DDR2: variants seen among roughly 807,000 people sequenced by gnomAD.
The protein encoded by DDR2 is discoidin domain receptor tyrosine kinase 2, also known as discoidin domain-containing receptor 2.
A neutral mutation model predicts 94.9 loss-of-function variants in DDR2; 27 were observed. That is an observed-to-expected ratio of 0.28 (90% CI 0.21 to 0.39). The LOEUF (loss-of-function observed/expected upper bound fraction) is 0.39. Among genes scored for constraint, DDR2 ranks in the 10% least tolerant of loss-of-function variants. DDR2 has a pLI of 1.00. For synonymous variants in DDR2, 382 were observed against 377.2 expected (o/e 1.01, Z -0.15); for missense variants, 783 against 1,076.0 (o/e 0.73, Z 3.81).
At chr1:162,698,070 G>T (rs1660267692) in intron 2 of DDR2, among the ~76,000 whole-genome samples, 3 of 152,150 alleles carry the variant, frequency 2.0e-5, no homozygotes. Flanking sequence ...CTAATCTGTT[G>T]GTCACTAATG....
At chr1:162,686,171 G>A (rs1187879790) in intron 2 of DDR2, among the ~76,000 whole-genome samples, 2 of 151,802 alleles carry the variant, frequency 1.3e-5, no homozygotes, top group African/African-American at 4.8e-5. Context: ...GATTACAGGT[G>A]CCCGGCACCA....
chr1:162,754,439 A>G (rs746200673), intron 4 of DDR2, among the ~76,000 whole-genome samples, 185 bp from the exon 5 acceptor site: 9 of 152,200 alleles, frequency 5.9e-5, no homozygotes, highest in Non-Finnish European at 1.0e-4. Flanking sequence ...ATGGTACTCC[A>G]GGGAAAGGGA....
intron 1 of DDR2, among the ~76,000 whole-genome samples, chr1:162,643,761 G>A (rs1657267233): frequency 6.6e-6 from 1 of 152,198 alleles, no homozygotes; most frequent in South Asian, 2.1e-4. Context: ...GATTACAGGT[G>A]TGAGCCACTG....
chr1:162,643,494 T>A (rs2101892309), intron 1 of DDR2, among the ~76,000 whole-genome samples: 1 of 152,214 alleles, frequency 6.6e-6, no homozygotes, highest in South Asian at 2.1e-4. Context: ...TTTCTTTTTC[T>A]TTCTTGAGAT....
At position 162,786,685 on chromosome 1, in the gene DDR2, A is replaced by C. The variant is rs143938462; in HGVS notation, c.*6439A>C. 1 of 152,216 alleles carries C rather than the reference A, an allele frequency of 6.6e-6. No individual in the cohort carries two copies. The highest frequency in any genetic ancestry group is 2.4e-5 in the African/African-American group (1 of 41,438). 9.4% of individuals were successfully genotyped at this position (152,216 alleles called of 1,614,324 possible). ...GGGCATGGGCCCAGAGCTGGGGTGT[A>C]TGTGGTATGGACACCTGTTTGTGGG... On this transcript the variant is annotated 3_prime_UTR_variant, in exon 18 of 18. Coordinates refer to ENST00000367921, the MANE Select transcript of DDR2 (RefSeq NM_006182.4).
chr1:162,637,130 CTG>C (rs1445676837), intron 1 of DDR2, among the ~76,000 whole-genome samples: 1 of 152,112 alleles, frequency 6.6e-6, no homozygotes, highest in African/African-American at 2.4e-5. Context: ...CTGCTGGACA[CTG>C]TTCTATGTTT....
intron 3 of DDR2, among the ~76,000 whole-genome samples, chr1:162,721,223 A>C (rs531393545): frequency 6.6e-6 from 1 of 152,326 alleles, no homozygotes; most frequent in East Asian, 1.9e-4. Context: ...ATGACTAACC[A>C]GGAGAGCTGA....
rs150858659 is a variant in DDR2, at chr1:162,754,526, C to T, written c.186-98C>T. 1.1e-3 allele frequency: 1,354 copies of T among 1,218,856 alleles called. 13 individuals carry two copies. In the African/African-American group the frequency reaches 0.018, roughly 16 times the overall value. 75.5% of individuals were successfully genotyped at this position (1,218,856 alleles called of 1,614,324 possible). On this transcript the variant is annotated intron_variant, in intron 4 of 17. Transcript: ENST00000367921. ...AAAATGTTTATAAGGACAGCCTGCT[C>T]TCTCCCCTCAGTACAGGGCAGCTGC...
chr1:162,759,630 C>T (rs568470349), intron 7 of DDR2, among the ~76,000 whole-genome samples, 166 bp from the exon 8 acceptor site: 14 of 152,210 alleles, frequency 9.2e-5, no homozygotes, highest in East Asian at 3.9e-4. Context: ...GCAAGATAAA[C>T]GAGTCAATAC....
chr1:162,668,204 T>C (rs1356694343), intron 2 of DDR2, among the ~76,000 whole-genome samples: 3 of 152,222 alleles, frequency 2.0e-5, no homozygotes, highest in African/African-American at 7.2e-5. Context: ...AGCCTGTTTG[T>C]AAATACAATT....
intron 3 of DDR2, among the ~76,000 whole-genome samples, chr1:162,721,986 C>T (rs1189513349): frequency 6.6e-6 from 1 of 152,124 alleles, no homozygotes; most frequent in Non-Finnish European, 1.5e-5. Context: ...TCAGTATTAG[C>T]ATGATTTAGT....
chr1:162,772,562 T>C (rs1373270082), intron 13 of DDR2: 4 of 375,478 alleles, frequency 1.1e-5, no homozygotes, highest in Non-Finnish European at 2.0e-5. Context: ...ATCCAGAAGA[T>C]GTGATCATCT....
At chr1:162,719,497 G>T (rs956194923) in intron 3 of DDR2, among the ~76,000 whole-genome samples, 4 of 152,062 alleles carry the variant, frequency 2.6e-5, no homozygotes, top group African/African-American at 9.7e-5. Flanking sequence ...CTTCAGGTTG[G>T]TTTACCAGTT....
At chr1:162,727,422 TTATG>T (rs1017686116) in intron 3 of DDR2, among the ~76,000 whole-genome samples, 2 of 145,286 alleles carry the variant, frequency 1.4e-5, no homozygotes, top group Non-Finnish European at 3.0e-5. Context: ...GTAAGTATAT[TTATG>T]TATGTATTTA....
chr1:162,750,245 C>G (rs1350257174), intron 3 of DDR2, among the ~76,000 whole-genome samples: 2 of 152,250 alleles, frequency 1.3e-5, no homozygotes, highest in East Asian at 3.9e-4. Context: ...TAGAAAACCC[C>G]ATCATCTCAG....
At chr1:162,715,693 C>T (rs1220044655) in intron 2 of DDR2, among the ~76,000 whole-genome samples, 3 of 152,194 alleles carry the variant, frequency 2.0e-5, no homozygotes, top group Non-Finnish European at 4.4e-5. Context: ...AGGTGTGTAA[C>T]CTGATTAGCT....
chr1:162,671,341 C>T (rs1370795763), intron 2 of DDR2, among the ~76,000 whole-genome samples: 1 of 152,200 alleles, frequency 6.6e-6, no homozygotes, highest in East Asian at 1.9e-4. Flanking sequence ...CAGGATTCAG[C>T]AGTGAACAAG....
At chr1:162,725,756 C>T (rs1571247491) in intron 3 of DDR2, among the ~76,000 whole-genome samples, 1 of 152,168 alleles carries the variant, frequency 6.6e-6, no homozygotes, top group South Asian at 2.1e-4. Flanking sequence ...GGACCAGCCA[C>T]GAATGGGCTA....
intron 1 of DDR2, among the ~76,000 whole-genome samples, chr1:162,642,114 G>A (rs1418972736): frequency 4.0e-5 from 6 of 149,194 alleles, no homozygotes; most frequent in South Asian, 2.2e-4. Flanking sequence ...CCCACACCAC[G>A]CCCAGCTAAT....
Sources: gnomAD v4.1 joint callset for allele counts (sites outside exome capture counted in the v4.1 genomes callset) on GRCh38, gnomAD v4.1.1 for gene constraint, MANE v1.5 for transcripts, NCBI Gene and HGNC (gene_info 2026-07-23, HGNC 2026-07-21) for gene names.